The following POLR2F variants were observed in gnomAD, a reference collection of about 807,000 sequenced individuals.
POLR2F encodes the protein DNA-directed RNA polymerases I, II, and III subunit RPABC2.
POLR2F carries 12 observed loss-of-function variants against 22.7 expected under a neutral mutation model. The ratio of observed to expected loss-of-function variants is 0.53; its 90% CI spans 0.34 to 0.86. The LOEUF is 0.86. Ranked by LOEUF, POLR2F falls within the 40% of genes least tolerant of loss-of-function variation. The pLI is 0.02. For missense variants in POLR2F, 126 were observed against 171.5 expected (o/e 0.73, Z 1.48); for synonymous variants, 57 against 66.0 (o/e 0.86, Z 0.66).
At chr22:38,031,580 C>T (rs1016083851), downstream of POLR2F, among the ~76,000 whole-genome samples, 1 of 152,156 alleles carries the variant, frequency 6.6e-6, no homozygotes, top group Non-Finnish European at 1.5e-5. The surrounding 1 kb of genome is among the most constrained non-coding windows in gnomAD (Gnocchi z 4.1). Flanking sequence ...TGTCCAGGTC[C>T]CCACCAGCAC....
At position 37,965,395 on chromosome 22, in the gene POLR2F, A is replaced by G. The variant is rs3026636; in HGVS notation, c.222-1704A>G. On this transcript the variant is annotated intron_variant, in intron 3 of 4. Transcript: ENST00000442738. ...GTGGCTGATGATGTTTGTCACATCTACTTCTTAACTGGATGGTTGATGTGT... is the reference window on the plus strand; with the variant it reads ...GTGGCTGATGATGTTTGTCACATCTGCTTCTTAACTGGATGGTTGATGTGT... Among the ~76,000 whole-genome samples the G allele has an allele frequency of 9.3e-3, 1,413 of 152,296 alleles. 17 individuals carry two copies. Among genetic ancestry groups the G allele is most frequent in the African/African-American group, 0.028 (1,148 of 41,546 alleles).
At chr22:38,038,814 G>T (rs1282999533) in intron 5 of POLR2F, among the ~76,000 whole-genome samples, 1 of 151,200 alleles carries the variant, frequency 6.6e-6, no homozygotes, top group African/African-American at 2.4e-5. Flanking sequence ...GCACCCCGGG[G>T]CTGCGCGCTG....
chr22:38,021,890 G>A (rs2084962944), intron 1 of POLR2F, among the ~76,000 whole-genome samples: 1 of 151,160 alleles, frequency 6.6e-6, no homozygotes, highest in African/African-American at 2.4e-5. Flanking sequence ...CCAGTACTTT[G>A]GGGCCCAAGG....
intron 1 of POLR2F, among the ~76,000 whole-genome samples, chr22:38,024,706 C>T (rs1307354403): frequency 6.6e-6 from 1 of 152,024 alleles, no homozygotes; most frequent in African/African-American, 2.4e-5. Context: ...GAAGGTGGTG[C>T]ATCTGAGGGC....
downstream of POLR2F, chr22:37,973,255 G>A: frequency 2.0e-6 from 1 of 495,880 alleles, no homozygotes; most frequent in Non-Finnish European, 3.6e-6. Flanking sequence ...CAGTGTGGGT[G>A]CAACAGTCAA....
chr22:38,027,567 G>T (rs1439678529), downstream of POLR2F, among the ~76,000 whole-genome samples: 1 of 152,084 alleles, frequency 6.6e-6, no homozygotes, highest in Non-Finnish European at 1.5e-5. Flanking sequence ...ACCACATCTG[G>T]CCTCATGTGG....
intron 1 of POLR2F, among the ~76,000 whole-genome samples, chr22:37,990,892 TG>T (rs1932713827): frequency 6.6e-6 from 1 of 152,264 alleles, no homozygotes; most frequent in South Asian, 2.1e-4. Context: ...TGCAAGGTGA[TG>T]CCTCGTGATG....
chr22:38,003,725 C>T (rs755942733), intron 1 of POLR2F, among the ~76,000 whole-genome samples: 20 of 151,482 alleles, frequency 1.3e-4, no homozygotes, highest in East Asian at 2.0e-4. Context: ...TACTGGTGCG[C>T]GCCACCATGC....
At chr22:37,987,274 G>A in intron 1 of POLR2F, 1 of 456,758 alleles carries the variant, frequency 2.2e-6, no homozygotes, top group South Asian at 1.5e-5. Flanking sequence ...GACTCAGCCT[G>A]GCTTTTGTTA....
At chr22:37,959,200 T>C (rs912610658) in intron 2 of POLR2F, 146 bp from the exon 3 acceptor site, 3 of 756,696 alleles carry the variant, frequency 4.0e-6, no homozygotes, top group Admixed American at 4.5e-5. Context: ...TTACATGAGT[T>C]GTTAGGAAGC....
intron 1 of POLR2F, among the ~76,000 whole-genome samples, chr22:37,990,724 C>T (rs1932709123): frequency 6.6e-6 from 1 of 152,248 alleles, no homozygotes; most frequent in South Asian, 2.1e-4. Flanking sequence ...CTGTGGAGGC[C>T]CTGTGTTGCC....
chr22:37,955,957 T>G (rs564543465), intron 1 of POLR2F, among the ~76,000 whole-genome samples: 1 of 152,234 alleles, frequency 6.6e-6, no homozygotes, highest in East Asian at 1.9e-4. Context: ...AGTGCTGGGA[T>G]TACAGACGTG....
upstream of POLR2F, among the ~76,000 whole-genome samples, chr22:37,982,643 C>T (rs1254845018): frequency 6.6e-6 from 1 of 152,084 alleles, no homozygotes; most frequent in African/African-American, 2.4e-5. Context: ...GGGTGGGGCC[C>T]TGGCAGGGAA....
intron 2 of POLR2F, among the ~76,000 whole-genome samples, chr22:37,957,700 C>A (rs1931455767): frequency 6.6e-6 from 1 of 152,176 alleles, no homozygotes. Flanking sequence ...CCTAGATGTA[C>A]TTCAGCCCTG....
At chr22:38,006,779 T>A (rs1215787630) in intron 1 of POLR2F, among the ~76,000 whole-genome samples, 1 of 152,220 alleles carries the variant, frequency 6.6e-6, no homozygotes, top group Non-Finnish European at 1.5e-5. Flanking sequence ...CCTCTGTTTA[T>A]GCCATTGTCC....
chr22:38,041,401 T>A, downstream of POLR2F: 1 of 376,236 alleles, frequency 2.7e-6, no homozygotes, highest in Non-Finnish European at 4.8e-6. Context: ...TAGGAGAGGA[T>A]CCAGGCGGGG....
intron 1 of POLR2F, among the ~76,000 whole-genome samples, chr22:38,010,192 T>C (rs567931218): frequency 1.1e-3 from 169 of 152,168 alleles, no homozygotes; most frequent in African/African-American, 3.9e-3. Flanking sequence ...CTGGACAACA[T>C]AGCAAGACTC....
At chr22:37,988,752 G>A (rs939862133) in intron 1 of POLR2F, 1 of 154,372 alleles carries the variant, frequency 6.5e-6, no homozygotes, top group African/African-American at 2.4e-5. Context: ...CAAGCATAAA[G>A]TTCCCTGGGA....
At chr22:37,988,880 T>TG (rs1383485000) in intron 1 of POLR2F, 1 of 154,412 alleles carries the variant, frequency 6.5e-6, no homozygotes, top group Non-Finnish European at 1.5e-5. Context: ...CAGGTTATAC[T>TG]GGGGTATCCG....
Sources: allele counts gnomAD v4.1 joint callset (sites outside exome capture counted in the v4.1 genomes callset), GRCh38; gene constraint gnomAD v4.1.1; non-coding constraint Gnocchi (gnomAD v3.1); transcripts MANE v1.5; gene names NCBI Gene and HGNC (gene_info 2026-07-23, HGNC 2026-07-21).